The following CMIP variants were observed in gnomAD, a reference collection of about 807,000 sequenced individuals.
The protein encoded by CMIP is C-Maf-inducing protein.
CMIP carries 13 observed loss-of-function variants against 97.3 expected under a neutral mutation model. That is an observed-to-expected ratio of 0.13 (90% CI 0.09 to 0.21). The LOEUF is 0.21. Ranked by LOEUF, CMIP falls within the 10% of genes least tolerant of loss-of-function variation. The probability of loss-of-function intolerance (pLI) is 1.00; values close to 1 mark genes in which losing one functional copy is unlikely to be tolerated. For synonymous variants in CMIP, 538 were observed against 436.3 expected, an observed-to-expected ratio of 1.23 and a Z score of -2.91; for missense variants, 847 against 1,024.9, an observed-to-expected ratio of 0.83 and a Z score of 2.37.
At chr16:81,571,587 C>CAAAAAAAA (rs397854647) in intron 1 of CMIP, among the ~76,000 whole-genome samples, 1 of 87,488 alleles carries the variant, frequency 1.1e-5, no homozygotes, top group African/African-American at 4.7e-5. Flanking sequence ...TCATCTCTAC[C>CAAAAAAAA]AAAAAAAAAA....
At chr16:81,551,329 C>T (rs1216182393) in intron 1 of CMIP, among the ~76,000 whole-genome samples, 1 of 152,254 alleles carries the variant, frequency 6.6e-6, no homozygotes, top group Non-Finnish European at 1.5e-5. Flanking sequence ...GGGATTTCCT[C>T]TGCCTCCCAA....
Position 81,701,702 on chromosome 16 carries a change from G to T in CMIP, c.1798G>T (p.Asp600Tyr). 1 of 1,613,868 alleles carries T rather than the reference G, an allele frequency of 6.2e-7. No individual in the cohort carries two copies. The highest frequency in any genetic ancestry group is 1.1e-5 in the South Asian group (1 of 91,066). ...MLEYNIIDNN[D>Y]TQLQIISTLE... ...GGAATACAACATCATCGACAACAAC[G>T]ACACCCAACTGCAGATCATCTCAAC... Residue 600 changes from aspartate (D) to tyrosine (Y), a missense_variant, in exon 16 of 21, where the codon GAC (aspartate) becomes TAC (tyrosine). By Grantham distance (160) the Asp-to-Tyr change is radical (BLOSUM62 -3). Coordinates refer to ENST00000537098, the MANE Select transcript of CMIP (RefSeq NM_198390.3).
chr16:81,549,795 A>G (rs1483285438), intron 1 of CMIP, among the ~76,000 whole-genome samples: 1 of 152,196 alleles, frequency 6.6e-6, no homozygotes, highest in African/African-American at 2.4e-5. Flanking sequence ...TCTGAAGGCA[A>G]CTGCGCGTTC....
At chr16:81,523,426 C>T (rs574741434) in intron 1 of CMIP, among the ~76,000 whole-genome samples, 104 of 152,278 alleles carry the variant, frequency 6.8e-4, no homozygotes, top group African/African-American at 2.5e-3. Context: ...CACAGAAGGA[C>T]GTGGGGCCCA....
At chr16:81,704,994 T>C (rs1443887839) in intron 18 of CMIP, among the ~76,000 whole-genome samples, 1 of 152,008 alleles carries the variant, frequency 6.6e-6, no homozygotes, top group Admixed American at 6.5e-5. Flanking sequence ...GTAACACCAG[T>C]GGCTGCTGAG....
intron 2 of CMIP, among the ~76,000 whole-genome samples, chr16:81,609,196 C>G (rs2091790860): frequency 6.6e-6 from 1 of 151,808 alleles, no homozygotes; most frequent in Non-Finnish European, 1.5e-5. Context: ...CCCTCCCCAC[C>G]ACAGCCAGCA....
intron 1 of CMIP, among the ~76,000 whole-genome samples, chr16:81,550,318 T>C (rs1029247998): frequency 6.6e-6 from 1 of 152,192 alleles, no homozygotes; most frequent in Non-Finnish European, 1.5e-5. Context: ...TGGAGTGGCA[T>C]TGAAGGTCAT....
chr16:81,511,513 A>G (rs1190267070), intron 1 of CMIP, among the ~76,000 whole-genome samples: 1 of 152,200 alleles, frequency 6.6e-6, no homozygotes, highest in Non-Finnish European at 1.5e-5. Context: ...GTCATTTAAC[A>G]CATTCCTCTG....
chr16:81,621,044 C>A lies in CMIP; in HGVS notation c.477+118C>A, dbSNP rs968058334. 5 of 1,292,808 alleles carry A rather than the reference C, an allele frequency of 3.9e-6. No homozygotes were observed. The highest frequency in any genetic ancestry group is 5.4e-6 in the Non-Finnish European group (5 of 923,254). The allele number at this position is 1,292,808 out of a possible 1,614,324, so 80.1% of individuals were successfully genotyped here. The stretch of plus-strand genomic sequence containing the variant: ...AACTCATGCCTTCCAGATGGCTCAG[C>A]TGAGGAACTTTGTTCCCCTACCTAA... On this transcript the variant is annotated intron_variant, in intron 3 of 20. Coordinates refer to ENST00000537098, the MANE Select transcript of CMIP (RefSeq NM_198390.3). This position sits in a 1 kb window ranked among gnomAD's most constrained non-coding sequence, Gnocchi z 4.1.
chr16:81,556,324 A>G (rs1174440972), intron 1 of CMIP, among the ~76,000 whole-genome samples: 1 of 152,138 alleles, frequency 6.6e-6, no homozygotes, highest in African/African-American at 2.4e-5. Context: ...TACTTAGAGT[A>G]ATGCTTCTCT....
intron 2 of CMIP, among the ~76,000 whole-genome samples, chr16:81,612,091 C>T (rs2091841170): frequency 6.6e-6 from 1 of 152,210 alleles, no homozygotes; most frequent in Admixed American, 6.5e-5. Flanking sequence ...TGTGGGGAGG[C>T]CAAGCATGTA....
rs1256647673 is a variant in CMIP at position 81,657,786 on chromosome 16, G to A, written c.651G>A (p.Leu217=). Residue 217 remains leucine (L), a synonymous_variant, in exon 5 of 21, where the codon TTG becomes TTA. Coordinates refer to ENST00000537098, the MANE Select transcript of CMIP (RefSeq NM_198390.3). ...VSKLLSENTN[L]TTQEHENIIV... ...ATTCAATCCTTTAGAACACAAACTT[G>A]ACCACCCAGGAGCATGAAAACATCA... 1.2e-6 allele frequency: 2 copies of A among 1,607,448 alleles called. No homozygotes were observed. The highest frequency in any genetic ancestry group is 1.7e-5 in the Admixed American group (1 of 59,020).
chr16:81,473,071 A>C (rs537664306), intron 1 of CMIP, among the ~76,000 whole-genome samples: 1 of 152,282 alleles, frequency 6.6e-6, no homozygotes, highest in Admixed American at 6.5e-5. Flanking sequence ...ATGGGAGTGA[A>C]TATAGCACCT....
intron 1 of CMIP, among the ~76,000 whole-genome samples, chr16:81,523,401 A>G (rs999129372): frequency 4.6e-5 from 7 of 151,592 alleles, no homozygotes; most frequent in African/African-American, 1.7e-4. Flanking sequence ...TGGGGGACAG[A>G]CTCACCCCCT....
intron 1 of CMIP, among the ~76,000 whole-genome samples, chr16:81,449,818 C>T (rs564498353): frequency 3.3e-5 from 5 of 152,264 alleles, no homozygotes; most frequent in South Asian, 4.1e-4. Flanking sequence ...AAATTGCAAA[C>T]GTGGTCTGCC....
chr16:81,490,784 G>T (rs1282106893), intron 1 of CMIP, among the ~76,000 whole-genome samples: 3 of 150,278 alleles, frequency 2.0e-5, no homozygotes, highest in African/African-American at 7.6e-5. Context: ...CCACCCTGGG[G>T]TGTCTGGGTA....
Position 81,642,707 on chromosome 16 carries a change from T to C in CMIP, c.478-9496T>C, listed in dbSNP as rs1214823472. 3.3e-5 allele frequency among the ~76,000 whole-genome samples: 5 copies of C among 151,932 alleles called. No individual in the cohort carries two copies. The South Asian group carries it at 1.0e-3, about 32-fold the overall frequency. On this transcript the variant is annotated intron_variant, in intron 3 of 20. Transcript: ENST00000537098. ...GGTCAGGAGTTCGAGACCAGCCTGG[T>C]CAACATGGCGAAACCCTGTCTCTAC... is the stretch of plus-strand genomic sequence containing the variant.
At chr16:81,470,323 G>T (rs1348274537) in intron 1 of CMIP, among the ~76,000 whole-genome samples, 1 of 152,240 alleles carries the variant, frequency 6.6e-6, no homozygotes, top group African/African-American at 2.4e-5. Flanking sequence ...CTTGGGTCCA[G>T]AGCCTTCTTT....
At chr16:81,568,039 GTT>G (rs1555531346) in intron 1 of CMIP, among the ~76,000 whole-genome samples, 16 of 82,546 alleles carry the variant, frequency 1.9e-4, no homozygotes, top group South Asian at 1.2e-3. Flanking sequence ...GTGTGTGTGT[GTT>G]TTTTTTTTTT....
Sources: gnomAD v4.1 joint callset for allele counts (sites outside exome capture counted in the v4.1 genomes callset) on GRCh38, gnomAD v4.1.1 for gene constraint, Gnocchi (gnomAD v3.1) non-coding constraint, MANE v1.5 for transcripts, NCBI Gene and HGNC (gene_info 2026-07-23, HGNC 2026-07-21) for gene names.